Variants in IL1RAPL1 observed in about 807,000 individuals in gnomAD.
IL1RAPL1 encodes interleukin-1 receptor accessory protein-like 1.
In IL1RAPL1, 3 loss-of-function variants were observed where a neutral mutation model predicts 48.4. The ratio of observed to expected loss-of-function variants is 0.06; its 90% CI spans 0.03 to 0.16. The LOEUF (loss-of-function observed/expected upper bound fraction) is 0.16, where lower values mean the gene tolerates loss of function less well. Among genes scored for constraint, IL1RAPL1 ranks in the 10% least tolerant of loss-of-function variants. The pLI is 1.00. For missense variants in IL1RAPL1, 349 were observed against 530.6 expected (o/e 0.66, Z 3.36); for synonymous variants, 185 against 187.7 (o/e 0.99, Z 0.12).
intron 6 of IL1RAPL1, among the ~76,000 whole-genome samples, chrX:29,699,339 AACT>A (rs1926994069): frequency 8.9e-6 from 1 of 112,617 alleles, no homozygotes; most frequent in African/African-American, 3.2e-5. Context: ...CCTTAATGGT[AACT>A]ACTATTACAT....
intron 6 of IL1RAPL1, among the ~76,000 whole-genome samples, chrX:29,678,332 T>C (rs886841573): frequency 4.0e-5 from 4 of 100,640 alleles, no homozygotes; most frequent in Non-Finnish European, 6.0e-5. Context: ...CACACACAAG[T>C]TCAACACTAC....
intron 1 of IL1RAPL1, among the ~76,000 whole-genome samples, chrX:28,679,468 A>G (rs1935033802): frequency 9.0e-6 from 1 of 110,534 alleles, no homozygotes; most frequent in Non-Finnish European, 1.9e-5. Context: ...TTTTAGCTTG[A>G]TGTAATCTCA....
intron 6 of IL1RAPL1, among the ~76,000 whole-genome samples, chrX:29,670,544 T>C (rs1266447217): frequency 8.9e-6 from 1 of 111,822 alleles, no homozygotes. Context: ...TTTGGATTTG[T>C]GAGCAACAGT....
chrX:28,646,752 G>A (rs1934616127), intron 1 of IL1RAPL1, among the ~76,000 whole-genome samples: 1 of 112,320 alleles, frequency 8.9e-6, no homozygotes, highest in Non-Finnish European at 1.9e-5. Flanking sequence ...ATTTCAATTT[G>A]TCACTAGCAC....
chrX:29,413,401 C>T (rs1331188037), intron 5 of IL1RAPL1, among the ~76,000 whole-genome samples: 8 of 110,420 alleles, frequency 7.2e-5, no homozygotes, highest in Non-Finnish European at 1.1e-4. Flanking sequence ...ATGTGCACAA[C>T]GTGCAGGTTT....
chrX:29,549,734 G>T (rs1459308017), intron 5 of IL1RAPL1, among the ~76,000 whole-genome samples: 1 of 111,966 alleles, frequency 8.9e-6, no homozygotes, highest in African/African-American at 3.2e-5. Context: ...GGCTTTCTAG[G>T]TAGAAAGAAT....
chrX:29,680,490 G>A lies in IL1RAPL1; in HGVS notation c.778+11986G>A, dbSNP rs183853378. On this transcript the variant is annotated intron_variant, in intron 6 of 10. Transcript: ENST00000378993. ...GGGGCATTGGCTCAGTGGCTGTTGT[G>A]TGTCTCTCTCTCCTGTGATGAAGCC... Among the ~76,000 whole-genome samples, 4 of 110,919 alleles carry A rather than the reference G, an allele frequency of 3.6e-5. No homozygotes were observed. In the East Asian group the frequency reaches 8.5e-4, roughly 24 times the overall value.
intron 6 of IL1RAPL1, among the ~76,000 whole-genome samples, chrX:29,704,499 T>C (rs768743429): frequency 4.5e-5 from 5 of 110,213 alleles, no homozygotes; most frequent in African/African-American, 1.7e-4. Flanking sequence ...CAAAACCCTG[T>C]CTTTACTAAA....
intron 6 of IL1RAPL1, among the ~76,000 whole-genome samples, chrX:29,901,519 C>CTAAT (rs1257819190): frequency 8.9e-6 from 1 of 111,983 alleles, no homozygotes; most frequent in Non-Finnish European, 1.9e-5. Context: ...TTCACCACCA[C>CTAAT]TAATATTCTT....
chrX:28,601,475 C>T (rs771997718), intron 1 of IL1RAPL1, among the ~76,000 whole-genome samples: 24 of 110,721 alleles, frequency 2.2e-4, no homozygotes, highest in Non-Finnish European at 4.3e-4. Context: ...TCTCAACTAC[C>T]AAAAAATTAT....
chrX:29,699,331 T>G (rs1307426037), intron 6 of IL1RAPL1, among the ~76,000 whole-genome samples: 2 of 112,720 alleles, frequency 1.8e-5, no homozygotes, highest in Non-Finnish European at 3.8e-5. Flanking sequence ...AATAGTTGCC[T>G]TAATGGTAAC....
At chrX:29,321,368 C>T (rs759033464) in intron 3 of IL1RAPL1, among the ~76,000 whole-genome samples, 1 of 112,005 alleles carries the variant, frequency 8.9e-6, no homozygotes, top group South Asian at 3.7e-4. Flanking sequence ...GAGCTCATTT[C>T]TAGCTAAAGT....
intron 5 of IL1RAPL1, among the ~76,000 whole-genome samples, chrX:29,566,148 C>T (rs1437691016): frequency 9.0e-6 from 1 of 111,549 alleles, no homozygotes; most frequent in Non-Finnish European, 1.9e-5. Context: ...ACCGTGTTAG[C>T]CAGGATGGTC....
At chrX:28,724,040 T>C (rs1299112959) in intron 1 of IL1RAPL1, among the ~76,000 whole-genome samples, 10 of 111,676 alleles carry the variant, frequency 9.0e-5, no homozygotes, top group Non-Finnish European at 1.7e-4. Context: ...GGAATAAGTG[T>C]GATGTGGTGC....
intron 1 of IL1RAPL1, among the ~76,000 whole-genome samples, chrX:28,653,433 C>T (rs1276087363): frequency 2.7e-5 from 3 of 110,441 alleles, no homozygotes; most frequent in Middle Eastern, 4.7e-3. Flanking sequence ...TGATATCATG[C>T]CACTGCACTC....
chrX:29,890,761 T>C (rs1932261622), intron 6 of IL1RAPL1, among the ~76,000 whole-genome samples: 2 of 112,026 alleles, frequency 1.8e-5, no homozygotes, highest in Admixed American at 9.5e-5. Flanking sequence ...ACCTGCCTTT[T>C]AGTGTCTAGA....
intron 6 of IL1RAPL1, among the ~76,000 whole-genome samples, chrX:29,698,065 A>G (rs1926959389): frequency 9.3e-6 from 1 of 108,080 alleles, no homozygotes; most frequent in South Asian, 3.9e-4. Flanking sequence ...TACTTTCACC[A>G]CCTTCTCTCA....
chrX:28,763,927 TG>T (rs1326738663), intron 1 of IL1RAPL1, among the ~76,000 whole-genome samples: 1 of 111,314 alleles, frequency 9.0e-6, no homozygotes, highest in African/African-American at 3.3e-5. Context: ...TGTGTATGTG[TG>T]TGTGTATGAT....
At chrX:29,833,735 A>G (rs753846426) in intron 6 of IL1RAPL1, among the ~76,000 whole-genome samples, 1 of 111,939 alleles carries the variant, frequency 8.9e-6, no homozygotes, top group Admixed American at 9.5e-5. Context: ...TGTTAGGAAC[A>G]ATTCCAAGGT....
Sources: gnomAD v4.1 joint callset for allele counts (sites outside exome capture counted in the v4.1 genomes callset) on GRCh38, gnomAD v4.1.1 for gene constraint, MANE v1.5 for transcripts, NCBI Gene and HGNC (gene_info 2026-07-23, HGNC 2026-07-21) for gene names.